EYS: variants seen among roughly 807,000 people sequenced by gnomAD.
EYS encodes protein eyes shut homolog.
EYS carries 250 observed loss-of-function variants against 282.1 expected under a neutral mutation model. That is an observed-to-expected ratio of 0.89 (90% CI 0.80 to 0.98). The LOEUF (loss-of-function observed/expected upper bound fraction) is 0.98. EYS is among the 50% of genes least tolerant of loss of function. The pLI is 0.00. For synonymous variants in EYS, 1,355 were observed against 1,282.9 expected (o/e 1.06, Z -1.20); for missense variants, 4,016 against 3,709.0 (o/e 1.08, Z -2.15).
At chr6:65,164,564 G>C (rs1358176512) in intron 12 of EYS, among the ~76,000 whole-genome samples, 1 of 151,228 alleles carries the variant, frequency 6.6e-6, no homozygotes, top group Admixed American at 6.6e-5. Context: ...AATGTAGACA[G>C]ATCTAGATCT....
At chr6:64,295,478 GAAGAAGAAGAAGAAGAAGA>G (rs1264109178) in intron 30 of EYS, among the ~76,000 whole-genome samples, 4 of 41,326 alleles carry the variant, frequency 9.7e-5, no homozygotes, top group East Asian at 4.2e-4. Flanking sequence ...AGAAGAAGAA[GAAGAAGAAGAAGAAGAAGA>G]AAGAAGAAAG....
At chr6:65,490,768 C>T in intron 4 of EYS, 61 bp from the exon 5 acceptor site, 1 of 864,992 alleles carries the variant, frequency 1.2e-6, no homozygotes, top group Non-Finnish European at 1.9e-6. Flanking sequence ...CATCAGTTTT[C>T]CCTCAATTCT....
At chr6:65,456,444 G>T (rs1764621397) in intron 5 of EYS, among the ~76,000 whole-genome samples, 2 of 132,832 alleles carry the variant, frequency 1.5e-5, no homozygotes, top group South Asian at 4.8e-4. Flanking sequence ...GTGAGACTCT[G>T]TCTCAAAAAA....
At chr6:64,691,107 A>G (rs1770365944) in intron 22 of EYS, among the ~76,000 whole-genome samples, 2 of 152,270 alleles carry the variant, frequency 1.3e-5, no homozygotes, top group South Asian at 2.1e-4. Flanking sequence ...TCCATTCATG[A>G]TTTAAATAAC....
At chr6:64,388,942 ATTAT>A in intron 28 of EYS, 102 bp from the exon 29 acceptor site, 1 of 788,868 alleles carries the variant, frequency 1.3e-6, no homozygotes, top group Non-Finnish European at 1.8e-6. Flanking sequence ...AAGTAAATAG[ATTAT>A]TTCACAATAA....
intron 29 of EYS, among the ~76,000 whole-genome samples, chr6:64,346,561 G>A (rs1467983316): frequency 2.0e-5 from 3 of 151,670 alleles, no homozygotes; most frequent in African/African-American, 4.8e-5. Context: ...GTGGGGTGGG[G>A]GGAGTGGGGA....
chr6:63,826,845 C>CAAAAAAAAAAAAAAAAAAAAAAAA (rs59957107), intron 36 of EYS, among the ~76,000 whole-genome samples: 1 of 76,742 alleles, frequency 1.3e-5, no homozygotes, highest in African/African-American at 5.1e-5. Context: ...AGTTAAAAAG[C>CAAAAAAAAAAAAAAAAAAAAAAAA]AAAAAAAAAA....
intron 2 of EYS, among the ~76,000 whole-genome samples, chr6:65,531,938 C>A (rs16896773): frequency 0.12 from 18,251 of 152,004 alleles, 1,325 homozygotes; most frequent in African/African-American, 0.18. Context: ...ATTCTTTGAA[C>A]CTAGAAGGGA....
chr6:65,097,694 A>G (rs553298813), intron 12 of EYS, among the ~76,000 whole-genome samples: 44 of 150,992 alleles, frequency 2.9e-4, no homozygotes, highest in African/African-American at 1.0e-3. Context: ...GTCTTGCTAC[A>G]TGCAACAACA....
intron 5 of EYS, among the ~76,000 whole-genome samples, chr6:65,421,003 C>T (rs1479521835): frequency 1.3e-5 from 2 of 151,826 alleles, no homozygotes; most frequent in Non-Finnish European, 2.9e-5. Flanking sequence ...GTAAATTTAG[C>T]ATCTTTCTTA....
At chr6:65,104,570 T>A (rs1162248575) in intron 12 of EYS, among the ~76,000 whole-genome samples, 1 of 151,550 alleles carries the variant, frequency 6.6e-6, no homozygotes, top group Non-Finnish European at 1.5e-5. Flanking sequence ...ACTCAATATC[T>A]TCAGGTTTAC....
Position 64,813,378 on chromosome 6 carries a change from C to A in EYS, c.3443G>T (p.Arg1148Ile). The change falls in exon 22 of 43, where the codon AGA (arginine) becomes ATA (isoleucine). Residue 1148 changes from arginine (R) to isoleucine (I), a missense_variant and splice_region_variant. Arg to Ile is a moderately conservative substitution (Grantham distance 97, BLOSUM62 -3). Transcript: ENST00000503581. ...VDGPGHTFDCRCLPGFSGQFC... is the reference protein window; with the variant it reads ...VDGPGHTFDCICLPGFSGQFC... ...TACTTGTGGGTAAATAAATACTGACCTGCAGTCAAAAGTATGTCCAGGCCC... is the reference window on the plus strand; with the variant it reads ...TACTTGTGGGTAAATAAATACTGACATGCAGTCAAAAGTATGTCCAGGCCC... The A allele has an allele frequency of 6.5e-7, 1 of 1,538,120 alleles. No homozygotes were observed. The highest frequency in any genetic ancestry group is 1.4e-5 in the African/African-American group (1 of 72,278).
chr6:65,108,306 A>AT (rs67302229), intron 12 of EYS, among the ~76,000 whole-genome samples: 2 of 151,544 alleles, frequency 1.3e-5, no homozygotes, highest in African/African-American at 2.4e-5. Context: ...TACGCACTTT[A>AT]TTTTTTTTGA....
chr6:64,380,563 C>T (rs1418565216), intron 29 of EYS, among the ~76,000 whole-genome samples: 1 of 151,930 alleles, frequency 6.6e-6, no homozygotes, highest in Non-Finnish European at 1.5e-5. Flanking sequence ...ATTATAAAAC[C>T]AAAACAATTT....
chr6:63,886,268 A>G (rs1773258542), intron 35 of EYS, among the ~76,000 whole-genome samples: 1 of 152,150 alleles, frequency 6.6e-6, no homozygotes, highest in African/African-American at 2.4e-5. Flanking sequence ...TTTTGAGTAC[A>G]TTTTACAGGG....
intron 32 of EYS, among the ~76,000 whole-genome samples, chr6:64,078,798 C>T (rs1278135742): frequency 6.6e-6 from 1 of 151,914 alleles, no homozygotes; most frequent in Non-Finnish European, 1.5e-5. Flanking sequence ...CTATCATCAG[C>T]TTGACTTTTA....
intron 11 of EYS, chr6:65,332,120 T>C (rs1562100896): frequency 2.3e-6 from 1 of 436,108 alleles, no homozygotes; most frequent in Non-Finnish European, 4.1e-6. Flanking sequence ...TGTTTCTTCA[T>C]TCTTCTTATT....
At chr6:65,247,214 T>C (rs112856130) in intron 12 of EYS, among the ~76,000 whole-genome samples, 1,642 of 152,170 alleles carry the variant, frequency 0.011, 32 homozygotes, top group African/African-American at 0.038. Context: ...TCCAACCATA[T>C]AGTCCCTTTC....
intron 26 of EYS, among the ~76,000 whole-genome samples, chr6:64,478,813 T>C (rs987546481): frequency 6.6e-6 from 1 of 151,402 alleles, no homozygotes; most frequent in African/African-American, 2.4e-5. Flanking sequence ...ATTGATTTTA[T>C]CTTAATTTAA....
Sources: allele counts gnomAD v4.1 joint callset (sites outside exome capture counted in the v4.1 genomes callset), GRCh38; gene constraint gnomAD v4.1.1; transcripts MANE v1.5; gene names NCBI Gene and HGNC (gene_info 2026-07-23, HGNC 2026-07-21).